CAMTA1: variants seen among roughly 807,000 people sequenced by gnomAD.
CAMTA1 encodes the protein calmodulin binding transcription activator 1, also known as calmodulin-binding transcription activator 1.
A neutral mutation model predicts 170.9 loss-of-function variants in CAMTA1; 27 were observed. The ratio of observed to expected loss-of-function variants is 0.16; its 90% CI spans 0.12 to 0.22. The LOEUF (loss-of-function observed/expected upper bound fraction) is 0.22, where lower values mean the gene tolerates loss of function less well. CAMTA1 is among the 10% of genes least tolerant of loss of function. The pLI is 1.00. For missense variants in CAMTA1, 1,619 were observed against 2,217.2 expected (o/e 0.73, Z 5.42); for synonymous variants, 833 against 891.5 (o/e 0.93, Z 1.17).
At chr1:7,354,593 C>T (rs575071621) in intron 5 of CAMTA1, among the ~76,000 whole-genome samples, 3 of 152,302 alleles carry the variant, frequency 2.0e-5, no homozygotes, top group South Asian at 4.1e-4. Context: ...AGTAATGGGA[C>T]TGCTGAGTTG....
intron 5 of CAMTA1, among the ~76,000 whole-genome samples, chr1:7,378,341 A>C (rs2149045731): frequency 6.6e-6 from 1 of 152,364 alleles, no homozygotes; most frequent in Non-Finnish European, 1.5e-5. Context: ...CAGAGTAGCC[A>C]AAAGCAAGAA....
At position 7,144,437 on chromosome 1, in the gene CAMTA1, T is replaced by C. The variant is rs1300705858; in HGVS notation, c.302+53066T>C. Among the ~76,000 whole-genome samples, 1 of 152,170 alleles carries C rather than the reference T, an allele frequency of 6.6e-6. No individual in the cohort carries two copies. Among genetic ancestry groups the C allele is most frequent in the Non-Finnish European group, 1.5e-5 (1 of 68,022 alleles). On this transcript the variant is annotated intron_variant, in intron 4 of 22. Transcript: ENST00000303635. The surrounding 1 kb of genome is among the most constrained non-coding windows in gnomAD (Gnocchi z 4.0). ...AATCCCTATCTCCACACAGTCACACTGAGGCCACTGAGGGTAAGGGCCTGA... is the reference window on the plus strand; with the variant it reads ...AATCCCTATCTCCACACAGTCACACCGAGGCCACTGAGGGTAAGGGCCTGA...
intron 10 of CAMTA1, among the ~76,000 whole-genome samples, chr1:7,675,320 C>T (rs6658296): frequency 0.13 from 20,326 of 152,250 alleles, 1,399 homozygotes; most frequent in South Asian, 0.2. Context: ...TAAAATAAAT[C>T]GTGTCCATCT....
intron 4 of CAMTA1, among the ~76,000 whole-genome samples, chr1:7,220,369 A>C (rs1333652558): frequency 6.6e-6 from 1 of 152,214 alleles, no homozygotes; most frequent in African/African-American, 2.4e-5. Context: ...GAAAGAGGCC[A>C]GGCACGCTGG....
chr1:7,450,005 A>T (rs1386789813), intron 5 of CAMTA1, among the ~76,000 whole-genome samples: 1 of 152,022 alleles, frequency 6.6e-6, no homozygotes, highest in African/African-American at 2.4e-5. Context: ...CACTGCCATC[A>T]TGTTACCCTT....
At chr1:7,339,888 C>T (rs1398963730) in intron 5 of CAMTA1, among the ~76,000 whole-genome samples, 4 of 152,312 alleles carry the variant, frequency 2.6e-5, no homozygotes, top group African/African-American at 7.2e-5. Flanking sequence ...TAAACCACTG[C>T]ACCCAGCTGA....
intron 6 of CAMTA1, among the ~76,000 whole-genome samples, chr1:7,560,816 T>G (rs2094946560): frequency 6.7e-6 from 1 of 149,750 alleles, no homozygotes; most frequent in Non-Finnish European, 1.5e-5. Context: ...GGCACTCAGG[T>G]GGGGAAGAGA....
chr1:7,631,677 C>G (rs533231637), intron 6 of CAMTA1, among the ~76,000 whole-genome samples: 16 of 152,160 alleles, frequency 1.1e-4, no homozygotes, highest in Non-Finnish European at 2.2e-4. Context: ...CTGCAGGGGC[C>G]GGCAGATCCT....
chr1:7,471,822 G>A (rs1378328782), intron 6 of CAMTA1, among the ~76,000 whole-genome samples: 1 of 152,212 alleles, frequency 6.6e-6, no homozygotes, highest in Non-Finnish European at 1.5e-5. Context: ...CAGAGGTTCA[G>A]GGCCCCCTGA....
rs1193521824 is a variant in CAMTA1 at position 7,216,517 on chromosome 1, C to CCTTT, written c.303-32964_303-32961dup. On this transcript the variant is annotated intron_variant, in intron 4 of 22. Transcript: ENST00000303635. The surrounding 1 kb of genome is among the most constrained non-coding windows in gnomAD (Gnocchi z 4.0). The stretch of plus-strand genomic sequence containing the variant: ...TTTCTTTCATTTTCCTTCCTTCCTT[C>CCTTT]CTTTCTTTCTTTCGTTCTTTCACAG... Among the ~76,000 whole-genome samples the CCTTT allele has an allele frequency of 3.3e-5, 5 of 152,054 alleles. No homozygotes were observed. Among genetic ancestry groups the CCTTT allele is most frequent in the Non-Finnish European group, 4.4e-5 (3 of 67,992 alleles).
chr1:7,695,549 A>C (rs1275627218), intron 11 of CAMTA1, among the ~76,000 whole-genome samples: 3 of 152,150 alleles, frequency 2.0e-5, no homozygotes, highest in Non-Finnish European at 2.9e-5. Flanking sequence ...AGCACGATCC[A>C]TGGTATTTCA....
chr1:6,807,719 C>CAA (rs35402432), intron 1 of CAMTA1, among the ~76,000 whole-genome samples: 8 of 104,834 alleles, frequency 7.6e-5, no homozygotes, highest in African/African-American at 7.0e-5. Context: ...GACTTCATCT[C>CAA]AAAAAAAAAA....
At chr1:7,468,367 C>T (rs541366623) in intron 6 of CAMTA1, among the ~76,000 whole-genome samples, 8 of 152,282 alleles carry the variant, frequency 5.3e-5, no homozygotes, top group African/African-American at 1.7e-4. Flanking sequence ...GAAGGAGCTC[C>T]GTAATCGATT....
chr1:7,108,534 C>A (rs142343077), intron 4 of CAMTA1, among the ~76,000 whole-genome samples: 5 of 151,996 alleles, frequency 3.3e-5, no homozygotes, highest in Non-Finnish European at 5.9e-5. Flanking sequence ...CTACCAGAAA[C>A]GATTCAACAA....
chr1:7,558,381 G>T (rs1023415013), intron 6 of CAMTA1, among the ~76,000 whole-genome samples: 1 of 152,220 alleles, frequency 6.6e-6, no homozygotes, highest in East Asian at 1.9e-4. Flanking sequence ...CCTCTGGATG[G>T]GACCCAGGAG....
At chr1:6,861,081 C>T (rs111833314) in intron 3 of CAMTA1, among the ~76,000 whole-genome samples, 2,571 of 151,486 alleles carry the variant, frequency 0.017, 33 homozygotes, top group South Asian at 0.032. Flanking sequence ...TCTCGTGGCT[C>T]AGCCTCCCAA....
chr1:7,223,068 C>A (rs1445716603), intron 4 of CAMTA1, among the ~76,000 whole-genome samples: 1 of 152,252 alleles, frequency 6.6e-6, no homozygotes, highest in Non-Finnish European at 1.5e-5. Flanking sequence ...GTTCCTCTCG[C>A]CCTTGCGGGC....
intron 3 of CAMTA1, among the ~76,000 whole-genome samples, chr1:6,835,294 C>T (rs1652506435): frequency 6.6e-6 from 1 of 152,216 alleles, no homozygotes. Flanking sequence ...TCTAGTTGCA[C>T]TCGAGACTCT....
chr1:6,939,422 A>T (rs1686032024), intron 3 of CAMTA1, among the ~76,000 whole-genome samples: 1 of 152,252 alleles, frequency 6.6e-6, no homozygotes, highest in Non-Finnish European at 1.5e-5. Flanking sequence ...GAAAATAAAC[A>T]CAATCATTTT....
Sources: allele counts gnomAD v4.1 joint callset (sites outside exome capture counted in the v4.1 genomes callset), GRCh38; gene constraint gnomAD v4.1.1; non-coding constraint Gnocchi (gnomAD v3.1); transcripts MANE v1.5; gene names NCBI Gene and HGNC (gene_info 2026-07-23, HGNC 2026-07-21).